Variants in TLCD4 observed in about 807,000 individuals in gnomAD.
TLCD4 encodes the protein TLC domain containing 4.
In TLCD4, 7 loss-of-function variants were observed where a neutral mutation model predicts 24.2. The ratio of observed to expected loss-of-function variants is 0.29; its 90% CI spans 0.16 to 0.54. The LOEUF (loss-of-function observed/expected upper bound fraction) is 0.54. Among genes scored for constraint, TLCD4 ranks in the 20% least tolerant of loss-of-function variants. The probability of loss-of-function intolerance (pLI) is 0.95; values close to 1 mark genes in which losing one functional copy is unlikely to be tolerated. For synonymous variants in TLCD4, 103 were observed against 106.4 expected, an observed-to-expected ratio of 0.97 and a Z score of 0.20; for missense variants, 259 against 313.9, an observed-to-expected ratio of 0.82 and a Z score of 1.32.
chr1:95,098,096 T>C, the TLCD4 span, among the ~76,000 whole-genome samples: 18 of 152,316 alleles, frequency 1.2e-4, no homozygotes, highest in East Asian at 3.3e-3. Context: ...CAGATCTATA[T>C]AGCACAATGA....
chr1:95,098,777 G>A, the TLCD4 span, among the ~76,000 whole-genome samples: 17 of 152,180 alleles, frequency 1.1e-4, no homozygotes, highest in East Asian at 3.9e-4. Context: ...TTTCTAGAAC[G>A]GGATAGGCTG....
chr1:95,116,618 CTGGT>C (rs1319634959), upstream of TLCD4, among the ~76,000 whole-genome samples: 1 of 152,198 alleles, frequency 6.6e-6, no homozygotes, highest in African/African-American at 2.4e-5. Flanking sequence ...ACAATTATCT[CTGGT>C]TGATGCAGAT....
chr1:95,094,942 C>T, the TLCD4 span, among the ~76,000 whole-genome samples: 1 of 152,184 alleles, frequency 6.6e-6, no homozygotes, highest in Non-Finnish European at 1.5e-5. Flanking sequence ...CTTGTGCATC[C>T]ATGAGTATGA....
intron 1 of TLCD4, among the ~76,000 whole-genome samples, chr1:95,139,775 T>C (rs1415785533): frequency 6.6e-6 from 1 of 152,220 alleles, no homozygotes; most frequent in Non-Finnish European, 1.5e-5. Context: ...TTCTTTTTAA[T>C]AACACTTATC....
intron 2 of TLCD4, among the ~76,000 whole-genome samples, chr1:95,144,919 G>C (rs1310361175): frequency 6.6e-6 from 1 of 152,096 alleles, no homozygotes; most frequent in Non-Finnish European, 1.5e-5. Context: ...TTGAACTCCT[G>C]ACCTCAGGTG....
intron 5 of TLCD4, among the ~76,000 whole-genome samples, chr1:95,172,657 A>T (rs1218011323): frequency 3.3e-5 from 5 of 152,218 alleles, no homozygotes. Context: ...AGTTCTTATA[A>T]TCTAGCTTAG....
chr1:95,150,277 T>A lies in TLCD4; in HGVS notation c.304+11T>A. ...GCTACCTCATTTCTGGTATGTGAGA[T>A]GTTGTTTTATTGTCTAATTCCTTGT... On this transcript the variant is annotated intron_variant, in intron 4 of 6. Transcript: ENST00000370203. The A allele has an allele frequency of 6.2e-7, 1 of 1,609,800 alleles. No individual in the cohort carries two copies. The highest frequency in any genetic ancestry group is 8.5e-7 in the Non-Finnish European group (1 of 1,179,262).
rs954866835 is a variant in TLCD4, at chr1:95,197,168, A to G, written c.*5300A>G. On this transcript the variant is annotated 3_prime_UTR_variant, in exon 7 of 7. Transcript: ENST00000370203. ...AGAACATACCTTCTAATTTATTTCCATAAGGCTGAAGAACTTTTATTTACA... is the reference window on the plus strand; with the variant it reads ...AGAACATACCTTCTAATTTATTTCCGTAAGGCTGAAGAACTTTTATTTACA... 6.6e-6 allele frequency: 1 copy of G among 152,178 alleles called. No homozygotes were observed. Among genetic ancestry groups the G allele is most frequent in the Non-Finnish European group, 1.5e-5 (1 of 68,016 alleles). The allele number at this position is 152,178 out of a possible 1,614,324, so 9.4% of individuals were successfully genotyped here. A position where few individuals can be genotyped will look rare whatever the true frequency, so the allele number is the denominator to read the frequency against.
At chr1:95,110,477 T>G in the TLCD4 span, among the ~76,000 whole-genome samples, 1,950 of 152,136 alleles carry the variant, frequency 0.013, 15 homozygotes, top group Non-Finnish European at 0.021. Context: ...TTAAATACAT[T>G]ATGTTAAATT....
chr1:95,159,184 T>C (rs1369061564), intron 5 of TLCD4, among the ~76,000 whole-genome samples: 1 of 152,238 alleles, frequency 6.6e-6, no homozygotes, highest in Non-Finnish European at 1.5e-5. Flanking sequence ...TTCCTGACTT[T>C]TTAATGATCG....
At chr1:95,176,172 T>C (rs1287510391) in intron 6 of TLCD4, among the ~76,000 whole-genome samples, 1 of 151,974 alleles carries the variant, frequency 6.6e-6, no homozygotes, top group Non-Finnish European at 1.5e-5. Context: ...AAGAATTGCC[T>C]GTTCAAGTTC....
Position 95,151,382 on chromosome 1 carries a change from A to T in TLCD4, c.362A>T (p.His121Leu), listed in dbSNP as rs754664544. The change falls in exon 5 of 7, where the codon CAT (histidine) becomes CTT (leucine). Residue 121 changes from histidine to leucine, a missense_variant. His to Leu is a moderately conservative substitution (Grantham distance 99, BLOSUM62 -3). Transcript: ENST00000370203. ...ATTGGTGACAAATTTTTTATAATGC[A>T]TCATTGTGCGTCCCTGTATGCATAC... ...KVIGDKFFIM[H>L]HCASLYAYYL... 1 of 1,613,362 alleles carries T rather than the reference A, an allele frequency of 6.2e-7. No individual in the cohort carries two copies. The highest frequency in any genetic ancestry group is 8.5e-7 in the Non-Finnish European group (1 of 1,179,494).
At chr1:95,095,127 T>C in the TLCD4 span, among the ~76,000 whole-genome samples, 1 of 152,248 alleles carries the variant, frequency 6.6e-6, no homozygotes, top group African/African-American at 2.4e-5. Flanking sequence ...GCACGGTGGC[T>C]ATGCTTAATA....
intron 5 of TLCD4, among the ~76,000 whole-genome samples, chr1:95,160,974 T>C (rs969970823): frequency 1.3e-5 from 2 of 152,196 alleles, no homozygotes; most frequent in Non-Finnish European, 2.9e-5. Flanking sequence ...TTTTTTTTGT[T>C]GTGTCTCTGC....
At chr1:95,155,037 G>C (rs1677594954) in intron 5 of TLCD4, among the ~76,000 whole-genome samples, 1 of 151,836 alleles carries the variant, frequency 6.6e-6, no homozygotes. Flanking sequence ...GTGCAGTGTA[G>C]TGTAGTATAG....
rs772550680 is a variant in TLCD4 at position 95,144,039 on chromosome 1, G to C, written c.138G>C (p.Lys46Asn). The C allele has an allele frequency of 2.0e-6, 3 of 1,535,460 alleles. No homozygotes were observed. The highest frequency in any genetic ancestry group is 4.2e-5 in the Admixed American group (2 of 47,728). ...PGFNSLSFKK[K>N]IEWNSRVVST... ...TCAATAGTCTCAGCTTCAAAAAGAA[G>C]ATTGAATGGAACTCAAGGTAAAGCA... Residue 46 changes from lysine (K) to asparagine (N), a missense_variant, in exon 2 of 7, where the codon AAG (lysine) becomes AAC (asparagine). By Grantham distance (94) the Lys-to-Asn change is moderately conservative. Coordinates refer to ENST00000370203, the MANE Select transcript of TLCD4 (RefSeq NM_152487.3).
At chr1:95,178,455 G>A (rs979124303) in intron 6 of TLCD4, among the ~76,000 whole-genome samples, 1 of 151,280 alleles carries the variant, frequency 6.6e-6, no homozygotes, top group Non-Finnish European at 1.5e-5. Flanking sequence ...TAGAGACGGG[G>A]TTTGGCCACG....
chr1:95,159,587 A>G (rs942515912), intron 5 of TLCD4, among the ~76,000 whole-genome samples: 6 of 152,174 alleles, frequency 3.9e-5, no homozygotes, highest in African/African-American at 1.2e-4. Context: ...GCCCATGCCT[A>G]TGTCCTGAAT....
chr1:95,133,544 T>C (rs577605556), intron 1 of TLCD4, among the ~76,000 whole-genome samples: 28 of 151,910 alleles, frequency 1.8e-4, no homozygotes, highest in Non-Finnish European at 3.1e-4. Flanking sequence ...CAGATGGAGG[T>C]AGTTTGTATA....
Sources: allele counts gnomAD v4.1 joint callset (sites outside exome capture counted in the v4.1 genomes callset), GRCh38; gene constraint gnomAD v4.1.1; transcripts MANE v1.5; gene names NCBI Gene and HGNC (gene_info 2026-07-23, HGNC 2026-07-21).